Variants in OSBPL9 observed in about 807,000 individuals in gnomAD.
OSBPL9 encodes oxysterol binding protein like 9.
OSBPL9 carries 40 observed loss-of-function variants against 106.6 expected under a neutral mutation model. The observed-to-expected ratio is 0.38, with a 90% CI of 0.29 to 0.49. The LOEUF (loss-of-function observed/expected upper bound fraction) is 0.49, where lower values mean the gene tolerates loss of function less well. Ranked by LOEUF, OSBPL9 falls within the 20% of genes least tolerant of loss-of-function variation. OSBPL9 has a pLI of 0.97. For missense variants in OSBPL9, 609 were observed against 887.2 expected, an observed-to-expected ratio of 0.69 and a Z score of 3.98; for synonymous variants, 269 against 295.4, an observed-to-expected ratio of 0.91 and a Z score of 0.92.
the OSBPL9 span, among the ~76,000 whole-genome samples, chr1:51,532,220 G>T: frequency 6.6e-6 from 1 of 152,202 alleles, no homozygotes; most frequent in African/African-American, 2.4e-5. Flanking sequence ...GAAATGAAGA[G>T]CAGAGAAATG....
At position 51,610,244 on chromosome 1, in the gene OSBPL9, TTTGTTGTTG is replaced by T. The variant is rs113181959; in HGVS notation, c.-352-4033_-352-4025del. On this transcript the variant is annotated intron_variant, in intron 2 of 25. Coordinates refer to the OSBPL9 transcript ENST00000371714. ...AGAAACTCTCAAAAAGGAACTGATATTTGTTGTTGTTGTTGTTGTTGTTGTTGTTGTTGT... is the reference window on the plus strand; with the variant it reads ...AGAAACTCTCAAAAAGGAACTGATATTTGTTGTTGTTGTTGTTGTTGTTGT... 4.8e-3 allele frequency among the ~76,000 whole-genome samples: 729 copies of T among 151,014 alleles called. 5 individuals carry two copies. The highest frequency in any genetic ancestry group is 0.016 in the African/African-American group (657 of 41,068).
intron 3 of OSBPL9, among the ~76,000 whole-genome samples, chr1:51,689,109 G>C (rs186612005): frequency 3.3e-5 from 5 of 152,180 alleles, no homozygotes; most frequent in African/African-American, 1.2e-4. Flanking sequence ...AGTCTAAAGG[G>C]CTTCCTTACC....
Position 51,784,315 on chromosome 1 carries a change from A to G in OSBPL9, c.1676A>G (p.Asn559Ser), listed in dbSNP as rs749344579. 15 of 1,613,606 alleles carry G rather than the reference A, an allele frequency of 9.3e-6. No homozygotes were observed. The African/African-American group carries it at 1.1e-4, about 11-fold the overall frequency. ...YDEHYILTFP[N>S]GYGRSILTVP... ...GAACATTACATTCTCACATTCCCCA[A>G]TGGCTATGGAAGGCAAGTGTGTCCA... Residue 559 changes from asparagine to serine, a missense_variant, in exon 19 of 24, where the codon AAT becomes AGT. Transcript: ENST00000428468.
At chr1:51,528,434 C>T in the OSBPL9 span, among the ~76,000 whole-genome samples, 1 of 151,884 alleles carries the variant, frequency 6.6e-6, no homozygotes, top group Non-Finnish European at 1.5e-5. Flanking sequence ...GTCCCAGCGA[C>T]CTGGGAGGCT....
chr1:51,668,054 A>G (rs1648936232), intron 2 of OSBPL9, among the ~76,000 whole-genome samples: 1 of 152,188 alleles, frequency 6.6e-6, no homozygotes, highest in Non-Finnish European at 1.5e-5. Flanking sequence ...GTATAGGAGT[A>G]GTCCCCCTAT....
the OSBPL9 span, among the ~76,000 whole-genome samples, chr1:51,547,577 G>T: frequency 6.6e-6 from 1 of 152,106 alleles, no homozygotes; most frequent in East Asian, 1.9e-4. Context: ...GGGCACGGTG[G>T]TTCACCTGTG....
At chr1:51,721,558 C>G (rs1053791694) in intron 4 of OSBPL9, among the ~76,000 whole-genome samples, 4 of 152,120 alleles carry the variant, frequency 2.6e-5, no homozygotes, top group African/African-American at 7.2e-5. Flanking sequence ...TGCCTTGATT[C>G]TACCCTCAAT....
rs200790210 is a variant in OSBPL9, at chr1:51,781,345, G to C, written c.1428+10G>C. 1 of 1,608,858 alleles carries C rather than the reference G, an allele frequency of 6.2e-7. No individual in the cohort carries two copies. Among genetic ancestry groups the C allele is most frequent in the Non-Finnish European group, 8.5e-7 (1 of 1,175,696 alleles). On this transcript the variant is annotated intron_variant, in intron 16 of 23. Coordinates refer to ENST00000428468, the MANE Select transcript of OSBPL9 (RefSeq NM_024586.6). Reference sequence around the variant, plus strand: ...TACTGAAGAGAACACAGTGAGTTCTGCATTGACATTTTTAAATTATCTTAA... The same window carrying C: ...TACTGAAGAGAACACAGTGAGTTCTCCATTGACATTTTTAAATTATCTTAA...
intron 1 of OSBPL9, among the ~76,000 whole-genome samples, chr1:51,617,538 T>C (rs1287400101): frequency 6.6e-6 from 1 of 152,144 alleles, no homozygotes; most frequent in Non-Finnish European, 1.5e-5. Flanking sequence ...ATCGTAGTCA[T>C]GGCTTAAAAG....
the OSBPL9 span, among the ~76,000 whole-genome samples, chr1:51,554,370 A>G: frequency 6.6e-6 from 1 of 152,222 alleles, no homozygotes; most frequent in African/African-American, 2.4e-5. Context: ...AAATTTAATA[A>G]ACATGAAGAG....
chr1:51,523,878 C>T, the OSBPL9 span, among the ~76,000 whole-genome samples: 2 of 151,982 alleles, frequency 1.3e-5, no homozygotes, highest in Non-Finnish European at 2.9e-5. Flanking sequence ...ATGAACACTG[C>T]GTGTCTGTGA....
At chr1:51,579,722 A>T (rs1468827447) in intron 1 of OSBPL9, among the ~76,000 whole-genome samples, 1 of 151,928 alleles carries the variant, frequency 6.6e-6, no homozygotes, top group African/African-American at 2.4e-5. Context: ...TTAGCCAGGC[A>T]TGGTGGTGCA....
At chr1:51,524,044 T>TTACTACAA in the OSBPL9 span, among the ~76,000 whole-genome samples, 1 of 152,238 alleles carries the variant, frequency 6.6e-6, no homozygotes, top group African/African-American at 2.4e-5. Flanking sequence ...TTTTAAAATC[T>TTACTACAA]TACTACAATT....
the OSBPL9 span, among the ~76,000 whole-genome samples, chr1:51,529,398 T>C: frequency 6.6e-6 from 1 of 152,024 alleles, no homozygotes; most frequent in Non-Finnish European, 1.5e-5. Flanking sequence ...CCACCATGCC[T>C]GGCTAATTTT....
At chr1:51,736,141 C>T (rs1183010119) in intron 4 of OSBPL9, among the ~76,000 whole-genome samples, 1 of 152,064 alleles carries the variant, frequency 6.6e-6, no homozygotes, top group Non-Finnish European at 1.5e-5. Context: ...AAACACTAGC[C>T]CGGTGGAGAT....
the OSBPL9 span, among the ~76,000 whole-genome samples, chr1:51,570,984 G>A: frequency 6.6e-6 from 1 of 152,032 alleles, no homozygotes; most frequent in Non-Finnish European, 1.5e-5. Flanking sequence ...ACCACGCCCG[G>A]CTAATTTTGT....
chr1:51,522,497 TTTTG>T, the OSBPL9 span, among the ~76,000 whole-genome samples: 3,378 of 152,108 alleles, frequency 0.022, 54 homozygotes, highest in South Asian at 0.033. Context: ...AGAGAGGTGT[TTTTG>T]TTTGTTTGTT....
chr1:51,563,449 C>T, the OSBPL9 span, among the ~76,000 whole-genome samples: 1 of 152,182 alleles, frequency 6.6e-6, no homozygotes, highest in Non-Finnish European at 1.5e-5. Flanking sequence ...CAGCCCACCC[C>T]GTCCAACGTA....
At chr1:51,765,499 A>G (rs150355982) in intron 11 of OSBPL9, 2 of 172,360 alleles carry the variant, frequency 1.2e-5, no homozygotes, top group African/African-American at 4.7e-5. Context: ...TCCCATTGTA[A>G]TCATATCTGT....
Sources: gnomAD v4.1 joint callset for allele counts (sites outside exome capture counted in the v4.1 genomes callset) on GRCh38, gnomAD v4.1.1 for gene constraint, MANE v1.5 for transcripts, NCBI Gene and HGNC (gene_info 2026-07-23, HGNC 2026-07-21) for gene names.